ADGRL2: variants seen among roughly 807,000 people sequenced by gnomAD.
ADGRL2 encodes the protein adhesion G protein-coupled receptor L2.
In ADGRL2, 44 loss-of-function variants were observed where a neutral mutation model predicts 157.4. The ratio of observed to expected loss-of-function variants is 0.28; its 90% CI spans 0.22 to 0.36. ADGRL2 has a LOEUF of 0.36. ADGRL2 is among the 10% of genes least tolerant of loss of function. ADGRL2 has a pLI of 1.00. For missense variants in ADGRL2, 1,510 were observed against 1,768.9 expected (o/e 0.85, Z 2.63); for synonymous variants, 585 against 624.7 (o/e 0.94, Z 0.95).
At chr1:81,628,071 T>C (rs1332517959) in intron 3 of ADGRL2, among the ~76,000 whole-genome samples, 1 of 152,162 alleles carries the variant, frequency 6.6e-6, no homozygotes, top group Admixed American at 6.5e-5. Context: ...CTGCATCACA[T>C]TGAAAAAATA....
At chr1:81,559,204 A>G (rs746402162) in intron 2 of ADGRL2, among the ~76,000 whole-genome samples, 1 of 152,120 alleles carries the variant, frequency 6.6e-6, no homozygotes, top group Non-Finnish European at 1.5e-5. Context: ...TTTATTTGTA[A>G]AGATGGAATT....
chr1:81,428,960 GTGT>G lies in ADGRL2; in HGVS notation c.-301-16071_-301-16069del, dbSNP rs1443852044. On this transcript the variant is annotated intron_variant, in intron 1 of 24. Transcript: ENST00000370721. ...GCATATCAAAATACCATATTTTAAG[GTGT>G]TGTTTTCTGAGCCACCACGATGTTC... Among the ~76,000 whole-genome samples, 5 of 152,170 alleles carry G rather than the reference GTGT, an allele frequency of 3.3e-5. No individual in the cohort carries two copies. The East Asian group carries it at 9.7e-4, about 29-fold the overall frequency.
chr1:81,476,164 A>C (rs1307079054), intron 2 of ADGRL2, among the ~76,000 whole-genome samples: 1 of 151,372 alleles, frequency 6.6e-6, no homozygotes, highest in East Asian at 1.9e-4. Context: ...CATAAGTGAC[A>C]GAGAGAGAAA....
intron 2 of ADGRL2, among the ~76,000 whole-genome samples, chr1:81,447,880 A>G (rs1334046429): frequency 1.3e-5 from 2 of 152,030 alleles, no homozygotes; most frequent in East Asian, 3.9e-4. Context: ...TAGATCCTCC[A>G]TGAACGGTTT....
intron 2 of ADGRL2, among the ~76,000 whole-genome samples, chr1:81,462,837 C>A (rs1365258025): frequency 1.3e-5 from 2 of 151,978 alleles, no homozygotes; most frequent in Non-Finnish European, 2.9e-5. Context: ...AATAAGTTGG[C>A]TAGGCAGTGG....
chr1:81,972,007 T>C (rs1179274126), intron 17 of ADGRL2, 89 bp downstream of exon 17: 3 of 764,744 alleles, frequency 3.9e-6, no homozygotes, highest in East Asian at 2.7e-5. Context: ...TGTTTGTTTA[T>C]CTATCTATAC....
chr1:81,886,275 G>A (rs150397301), intron 2 of ADGRL2, among the ~76,000 whole-genome samples: 2,241 of 152,142 alleles, frequency 0.015, 45 homozygotes, highest in African/African-American at 0.045. Flanking sequence ...AGGTTCAAGC[G>A]ATTCCCCTGC....
intron 2 of ADGRL2, among the ~76,000 whole-genome samples, chr1:81,477,696 C>T (rs2078300929): frequency 6.6e-6 from 1 of 152,186 alleles, no homozygotes; most frequent in African/African-American, 2.4e-5. Context: ...AGTAAATATA[C>T]TGCATGTTAG....
intron 1 of ADGRL2, among the ~76,000 whole-genome samples, chr1:81,421,591 A>T (rs1242310228): frequency 6.6e-6 from 1 of 152,030 alleles, no homozygotes; most frequent in Non-Finnish European, 1.5e-5. Context: ...TCCTCTGTGG[A>T]TCTGTCTTGC....
intron 3 of ADGRL2, among the ~76,000 whole-genome samples, chr1:81,687,769 G>C (rs1054132931): frequency 2.0e-5 from 3 of 152,060 alleles, no homozygotes; most frequent in Non-Finnish European, 4.4e-5. Flanking sequence ...GGTCCTGGGT[G>C]ACTTATGCTT....
intron 1 of ADGRL2, among the ~76,000 whole-genome samples, chr1:81,711,612 T>C (rs369579726): frequency 5.9e-5 from 9 of 152,312 alleles, no homozygotes; most frequent in East Asian, 1.9e-4. Flanking sequence ...TTTGTTTTAT[T>C]GCAAGTGTGA....
chr1:81,824,277 T>C (rs2091265668), intron 1 of ADGRL2, among the ~76,000 whole-genome samples: 2 of 152,292 alleles, frequency 1.3e-5, no homozygotes, highest in South Asian at 4.1e-4. Context: ...ACATTTTATT[T>C]ATTCATTTAT....
At chr1:81,396,252 T>G (rs1161219187) in intron 1 of ADGRL2, among the ~76,000 whole-genome samples, 5 of 152,224 alleles carry the variant, frequency 3.3e-5, no homozygotes, top group African/African-American at 1.2e-4. Context: ...GTAATGATTT[T>G]GTAGCTATTG....
At chr1:81,765,927 T>C (rs2149325762) in intron 2 of ADGRL2, among the ~76,000 whole-genome samples, 1 of 152,232 alleles carries the variant, frequency 6.6e-6, no homozygotes, top group African/African-American at 2.4e-5. Flanking sequence ...ATAAAAGAAT[T>C]GTTAATTGGC....
intron 1 of ADGRL2, among the ~76,000 whole-genome samples, chr1:81,367,581 C>T (rs546619367): frequency 9.2e-5 from 14 of 152,072 alleles, no homozygotes; most frequent in Middle Eastern, 3.4e-3. Flanking sequence ...TTTTTTGAGA[C>T]GGAGTTTCGC....
chr1:81,317,264 G>A (rs372871884), intron 1 of ADGRL2, among the ~76,000 whole-genome samples: 8 of 152,124 alleles, frequency 5.3e-5, no homozygotes, highest in African/African-American at 1.9e-4. Context: ...CTCAGAAGGA[G>A]GTATTTCTTC....
chr1:81,406,068 A>G (rs1005670414), intron 1 of ADGRL2, among the ~76,000 whole-genome samples: 3 of 152,222 alleles, frequency 2.0e-5, no homozygotes, highest in African/African-American at 7.2e-5. Flanking sequence ...AGCATACATT[A>G]AAGTATTTTG....
chr1:81,976,997 A>G (rs1348552511), intron 17 of ADGRL2, among the ~76,000 whole-genome samples: 3 of 152,004 alleles, frequency 2.0e-5, no homozygotes, highest in South Asian at 2.1e-4. Flanking sequence ...TAGACTTAGT[A>G]TATCTTTGTT....
intron 1 of ADGRL2, among the ~76,000 whole-genome samples, chr1:81,803,068 G>C (rs937174148): frequency 1.3e-5 from 2 of 152,138 alleles, no homozygotes; most frequent in African/African-American, 4.8e-5. Flanking sequence ...GCCTGCGGGA[G>C]AAGTTACGGA....
Sources: gnomAD v4.1 joint callset for allele counts (sites outside exome capture counted in the v4.1 genomes callset) on GRCh38, gnomAD v4.1.1 for gene constraint, MANE v1.5 for transcripts, NCBI Gene and HGNC (gene_info 2026-07-23, HGNC 2026-07-21) for gene names.